The following XPOT variants were observed in gnomAD, a reference collection of about 807,000 sequenced individuals.
The protein encoded by XPOT is exportin-T.
A neutral mutation model predicts 128.2 loss-of-function variants in XPOT; 34 were observed. That is an observed-to-expected ratio of 0.27 (90% CI 0.20 to 0.35). XPOT has a LOEUF of 0.35. XPOT is among the 10% of genes least tolerant of loss of function. XPOT has a pLI of 1.00. For missense variants in XPOT, 838 were observed against 1,125.3 expected, an observed-to-expected ratio of 0.74 and a Z score of 3.65; for synonymous variants, 348 against 394.3, an observed-to-expected ratio of 0.88 and a Z score of 1.39.
At position 64,424,698 on chromosome 12, in the gene XPOT, C is replaced by T. The variant is rs552782852; in HGVS notation, c.1282C>T (p.Arg428Cys). The T allele has an allele frequency of 1.1e-5, 17 of 1,613,470 alleles. No homozygotes were observed. Among genetic ancestry groups the T allele is most frequent in the East Asian group, 4.5e-5 (2 of 44,882 alleles). The change falls in exon 12 of 25, where the codon CGC becomes TGC. Residue 428 changes from arginine (R) to cysteine (C), a missense_variant. Physicochemically the swap from Arg to Cys is radical, Grantham distance 180. Transcript: ENST00000332707. ...VSPELLLASV[R>C]RVFSSTLQNW... The stretch of plus-strand genomic sequence containing the variant: ...ACCAGAGTTACTACTGGCCTCTGTT[C>T]GCAGAGTTTTTAGTTCTACACTGCA...
At chr12:64,432,484 G>A (rs1312758971) in intron 18 of XPOT, among the ~76,000 whole-genome samples, 1 of 152,146 alleles carries the variant, frequency 6.6e-6, no homozygotes, top group Non-Finnish European at 1.5e-5. Flanking sequence ...GACCTCAAGT[G>A]ATCCTCCTGC....
chr12:64,421,192 G>A (rs2040135356), intron 8 of XPOT, 43 bp from the exon 9 acceptor site: 1 of 1,408,938 alleles, frequency 7.1e-7, no homozygotes, highest in Non-Finnish European at 1.0e-6. Flanking sequence ...CTCTTAGCTT[G>A]GGCAGGCAGT....
Position 64,426,866 on chromosome 12 carries a change from C to T in XPOT, c.1667+957C>T, listed in dbSNP as rs144625461. 4.8e-3 allele frequency among the ~76,000 whole-genome samples: 728 copies of T among 152,072 alleles called. 5 individuals carry two copies. Among genetic ancestry groups the T allele is most frequent in the African/African-American group, 0.016 (684 of 41,480 alleles). The stretch of plus-strand genomic sequence containing the variant: ...GGGCATGGTGGTGGGCACCTGTAAT[C>T]CCAGCTAACAGAAGGCTGAGGCAGG... On this transcript the variant is annotated intron_variant, in intron 15 of 24. Transcript: ENST00000332707.
chr12:64,424,682 A>AG lies in XPOT; in HGVS notation c.1266_1267insG (p.Leu423AlafsTer10), dbSNP rs765566075. On this transcript the variant is annotated frameshift_variant, in exon 12 of 25. Coordinates refer to ENST00000332707, the MANE Select transcript of XPOT (RefSeq NM_007235.6). LOFTEE classifies it high-confidence loss of function. ...GGCTTGCTCAAGTTTCACCAGAGTT[A>AG]CTACTGGCCTCTGTTCGCAGAGTTT... 6.2e-7 allele frequency: 1 copy of AG among 1,613,360 alleles called. No homozygotes were observed. Among genetic ancestry groups the AG allele is most frequent in the African/African-American group, 1.3e-5 (1 of 75,046 alleles).
chr12:64,413,538 C>T (rs1305776994), intron 2 of XPOT, among the ~76,000 whole-genome samples: 2 of 152,162 alleles, frequency 1.3e-5, no homozygotes, highest in African/African-American at 4.8e-5. Flanking sequence ...TTTCGTTATA[C>T]CATATATTTA....
chr12:64,448,348 A>G lies in XPOT; in HGVS notation c.*217A>G, dbSNP rs1047371996. 3 of 544,790 alleles carry G rather than the reference A, an allele frequency of 5.5e-6. No homozygotes were observed. Among genetic ancestry groups the G allele is most frequent in the South Asian group, 2.5e-5 (1 of 39,494 alleles). The allele number at this position is 544,790 out of a possible 1,614,324, so 33.7% of individuals were successfully genotyped here. A position where few individuals can be genotyped will look rare whatever the true frequency, so the allele number is the denominator to read the frequency against. The stretch of plus-strand genomic sequence containing the variant: ...TGCATGCCGGTCCAAATTGTTCTGT[A>G]TAAAGATGCTCTTAAAAGACACAAG... On this transcript the variant is annotated 3_prime_UTR_variant, in exon 25 of 25. Transcript: ENST00000332707.
intron 22 of XPOT, among the ~76,000 whole-genome samples, chr12:64,435,930 A>C (rs1450332662): frequency 6.6e-6 from 1 of 152,028 alleles, no homozygotes; most frequent in Admixed American, 6.6e-5. Flanking sequence ...AGGCTTCTTC[A>C]CTACCAGATT....
chr12:64,447,967 A>G, intron 24 of XPOT, 138 bp from the exon 25 acceptor site: 1 of 758,710 alleles, frequency 1.3e-6, no homozygotes, highest in South Asian at 1.7e-5. Flanking sequence ...CTTGGATTAC[A>G]TACGGATATA....
intron 16 of XPOT, among the ~76,000 whole-genome samples, chr12:64,428,851 T>C (rs1207292168): frequency 1.3e-5 from 2 of 152,188 alleles, no homozygotes; most frequent in African/African-American, 2.4e-5. Flanking sequence ...TAAACAGTTA[T>C]AAAAATGACA....
Position 64,425,915 on chromosome 12 carries a change from T to A in XPOT, c.1667+6T>A. On this transcript the variant is annotated splice_donor_region_variant and intron_variant, in intron 15 of 24. Coordinates refer to ENST00000332707, the MANE Select transcript of XPOT (RefSeq NM_007235.6). ...AGATTTGTCAAATCTCTCAAGTAAG[T>A]ATAAAATTGCAGCTATTATGTTTAG... 6.2e-7 allele frequency: 1 copy of A among 1,611,034 alleles called. No individual in the cohort carries two copies. The highest frequency in any genetic ancestry group is 2.2e-5 in the East Asian group (1 of 44,868).
intron 9 of XPOT, among the ~76,000 whole-genome samples, chr12:64,422,120 A>G (rs2040144227): frequency 6.6e-6 from 1 of 152,136 alleles, no homozygotes; most frequent in Non-Finnish European, 1.5e-5. Flanking sequence ...ACAATTTTTT[A>G]CAATTAAAGT....
chr12:64,421,772 T>C (rs2040141554), intron 9 of XPOT, among the ~76,000 whole-genome samples: 1 of 152,182 alleles, frequency 6.6e-6, no homozygotes, highest in Non-Finnish European at 1.5e-5. Context: ...GCATGGTTTG[T>C]TATTTTAATT....
intron 6 of XPOT, among the ~76,000 whole-genome samples, chr12:64,419,822 A>G (rs923319216): frequency 9.2e-5 from 14 of 152,236 alleles, no homozygotes; most frequent in African/African-American, 3.1e-4. Flanking sequence ...AACTTAAAAT[A>G]TGCTTAAGAT....
chr12:64,413,727 T>C (rs888109238), intron 2 of XPOT, among the ~76,000 whole-genome samples: 7 of 152,108 alleles, frequency 4.6e-5, no homozygotes, highest in Admixed American at 1.3e-4. Context: ...AAGAAAAAAA[T>C]AACTTTACAT....
chr12:64,434,647 C>T (rs1444558801), intron 20 of XPOT, 24 bp downstream of exon 20: 1 of 1,589,686 alleles, frequency 6.3e-7, no homozygotes. Flanking sequence ...ATTTCTTAAC[C>T]TTCATTTCCC....
At chr12:64,416,618 T>G in intron 3 of XPOT, 80 bp from the exon 4 acceptor site, 4 of 1,148,070 alleles carry the variant, frequency 3.5e-6, no homozygotes, top group Non-Finnish European at 3.9e-6. Flanking sequence ...TTCTGCTGTA[T>G]TACTCATTAC....
intron 12 of XPOT, 91 bp from the exon 13 acceptor site, chr12:64,424,947 A>G: frequency 6.7e-7 from 1 of 1,493,834 alleles, no homozygotes; most frequent in Admixed American, 2.0e-5. Flanking sequence ...TTTAATAATT[A>G]AAAAGGCTTT....
rs1002631424 is a variant in XPOT, at chr12:64,449,375, G to T, written c.*1244G>T. 6.6e-5 allele frequency: 10 copies of T among 152,136 alleles called. No homozygotes were observed. Among genetic ancestry groups the T allele is most frequent in the African/African-American group, 2.4e-4 (10 of 41,430 alleles). 9.4% of individuals were successfully genotyped at this position (152,136 alleles called of 1,614,324 possible). A position where few individuals can be genotyped will look rare whatever the true frequency, so the allele number is the denominator to read the frequency against. On this transcript the variant is annotated 3_prime_UTR_variant, in exon 25 of 25. Coordinates refer to ENST00000332707, the MANE Select transcript of XPOT (RefSeq NM_007235.6). The stretch of plus-strand genomic sequence containing the variant: ...CCTCCATTTTTATTCATGGCTACTT[G>T]AGAAAGCAAAAGGAAAAAATAATAG...
chr12:64,434,960 TTTC>T (rs1275800482), intron 21 of XPOT, 51 bp downstream of exon 21: 1 of 1,460,372 alleles, frequency 6.8e-7, no homozygotes, highest in South Asian at 1.2e-5. Context: ...ATATTCCCAA[TTTC>T]TTCTTTAATG....
Sources: gnomAD v4.1 joint callset for allele counts (sites outside exome capture counted in the v4.1 genomes callset) on GRCh38, gnomAD v4.1.1 for gene constraint, MANE v1.5 for transcripts, NCBI Gene and HGNC (gene_info 2026-07-23, HGNC 2026-07-21) for gene names.